The following ABCA13 variants were observed in gnomAD, a reference collection of about 807,000 sequenced individuals.
ABCA13 encodes the protein ATP-binding cassette sub-family A member 13.
In ABCA13, 476 loss-of-function variants were observed where a neutral mutation model predicts 478.7. The ratio of observed to expected loss-of-function variants is 0.99; its 90% CI spans 0.92 to 1.07. ABCA13 has a LOEUF of 1.07. Ranked by LOEUF, ABCA13 falls within the 50% of genes least tolerant of loss-of-function variation. ABCA13 has a pLI of 0.00. For synonymous variants in ABCA13, 2,252 were observed against 2,158.9 expected (o/e 1.04, Z -1.20); for missense variants, 6,060 against 5,910.6 (o/e 1.03, Z -0.83).
At chr7:48,544,255 A>G (rs979671834) in intron 55 of ABCA13, among the ~76,000 whole-genome samples, 2 of 151,756 alleles carry the variant, frequency 1.3e-5, no homozygotes, top group Admixed American at 6.6e-5. Flanking sequence ...TGTGCAATAT[A>G]TATTTTTGTC....
chr7:48,505,985 A>G (rs1831171638), intron 48 of ABCA13, among the ~76,000 whole-genome samples: 1 of 152,308 alleles, frequency 6.6e-6, no homozygotes, highest in East Asian at 1.9e-4. Flanking sequence ...TCTTCTTTGC[A>G]TATTGTTACT....
rs772959271 is a variant in ABCA13 at position 48,587,147 on chromosome 7, C to T, written c.14506-7C>T. ...CTGGTGTGCACATGGACATGCCTCT[C>T]TTCCAGGTTGCTGGAGACCTCATCA... On this transcript the variant is annotated splice_region_variant and splice_polypyrimidine_tract_variant and intron_variant, in intron 56 of 61. Coordinates refer to ENST00000435803, the MANE Select transcript of ABCA13 (RefSeq NM_152701.5). 3 of 1,613,116 alleles carry T rather than the reference C, an allele frequency of 1.9e-6. No individual in the cohort carries two copies. In the South Asian group the frequency reaches 3.3e-5, roughly 18 times the overall value.
chr7:48,254,702 G>A (rs1457200372), intron 15 of ABCA13, among the ~76,000 whole-genome samples: 1 of 152,028 alleles, frequency 6.6e-6, no homozygotes, highest in Non-Finnish European at 1.5e-5. Flanking sequence ...AACTATTTTT[G>A]AGCATGCTAT....
At chr7:48,418,360 G>A (rs1033109463) in intron 41 of ABCA13, among the ~76,000 whole-genome samples, 3 of 152,206 alleles carry the variant, frequency 2.0e-5, no homozygotes, top group African/African-American at 7.2e-5. Context: ...TGCTGTTAGA[G>A]CTCTGGATTT....
At chr7:48,180,957 A>C (rs1214398733) in intron 1 of ABCA13, among the ~76,000 whole-genome samples, 1 of 152,176 alleles carries the variant, frequency 6.6e-6, no homozygotes, top group East Asian at 1.9e-4. Context: ...AAACCTACCA[A>C]CAACAAAACA....
intron 45 of ABCA13, among the ~76,000 whole-genome samples, chr7:48,476,382 A>G (rs1396906400): frequency 6.6e-6 from 1 of 152,176 alleles, no homozygotes; most frequent in Admixed American, 6.5e-5. Context: ...AATAATAACG[A>G]GCTGATTAAA....
At chr7:48,237,533 C>T (rs901132342) in intron 8 of ABCA13, among the ~76,000 whole-genome samples, 75 of 152,314 alleles carry the variant, frequency 4.9e-4, no homozygotes, top group African/African-American at 1.7e-3. Flanking sequence ...GTCAGCCATG[C>T]TAGACTTCTC....
Position 48,410,979 on chromosome 7 carries a change from CTTT to C in ABCA13, c.12228+303_12228+305del, listed in dbSNP as rs1329284818. Among the ~76,000 whole-genome samples the C allele has an allele frequency of 1.2e-4, 4 of 34,414 alleles. No homozygotes were observed. The East Asian group carries it at 2.9e-3, about 25-fold the overall frequency. 22.6% of individuals were successfully genotyped at this position (34,414 alleles called of 152,430 possible). On this transcript the variant is annotated intron_variant, in intron 40 of 61. Coordinates refer to ENST00000435803, the MANE Select transcript of ABCA13 (RefSeq NM_152701.5). The stretch of plus-strand genomic sequence containing the variant: ...CTATGTATTCTAGAAATTCTTTTCT[CTTT>C]CTTTCTTTCTTTCTTTCTTTCTTTC...
At chr7:48,530,135 T>C (rs1833125957) in intron 55 of ABCA13, among the ~76,000 whole-genome samples, 1 of 152,126 alleles carries the variant, frequency 6.6e-6, no homozygotes, top group South Asian at 2.1e-4. Flanking sequence ...ATCATTCTTA[T>C]GCCTTTGTGT....
At chr7:48,312,935 G>T in intron 24 of ABCA13, 132 bp from the exon 25 acceptor site, 1 of 939,626 alleles carries the variant, frequency 1.1e-6, no homozygotes, top group Non-Finnish European at 1.5e-6. Context: ...ATATAGTACC[G>T]CAAAGGCGTC....
chr7:48,178,747 C>T (rs1361790887), intron 1 of ABCA13, among the ~76,000 whole-genome samples: 13 of 151,020 alleles, frequency 8.6e-5, no homozygotes, highest in Non-Finnish European at 1.8e-4. Context: ...ATTATCCAGT[C>T]TTCTAAAGGT....
At chr7:48,507,747 A>G (rs950369723) in intron 49 of ABCA13, 125 bp from the exon 50 acceptor site, 52 of 1,144,670 alleles carry the variant, frequency 4.5e-5, no homozygotes, top group Non-Finnish European at 5.8e-5. Context: ...CTTAGCCAAC[A>G]TGCCTGGCTG....
At chr7:48,378,935 G>A (rs1325030886) in intron 35 of ABCA13, among the ~76,000 whole-genome samples, 6 of 152,162 alleles carry the variant, frequency 3.9e-5, no homozygotes, top group Non-Finnish European at 8.8e-5. Context: ...ACCTTTGAAT[G>A]GCAGACACTC....
At position 48,274,125 on chromosome 7, in the gene ABCA13, G is replaced by C. The variant is rs1795980859; in HGVS notation, c.4459G>C (p.Glu1487Gln). 1 of 1,606,888 alleles carries C rather than the reference G, an allele frequency of 6.2e-7. No homozygotes were observed. Among genetic ancestry groups the C allele is most frequent in the Admixed American group, 1.7e-5 (1 of 58,990 alleles). Residue 1487 changes from glutamate to glutamine, a missense_variant, in exon 17 of 62, where the codon GAG (glutamate) becomes CAG (glutamine). Glu to Gln is a conservative substitution (Grantham distance 29). Coordinates refer to ENST00000435803, the MANE Select transcript of ABCA13 (RefSeq NM_152701.5). ...VFEKEKKPKF[E>Q]ILLALLNDST... ...TGAAAAAGAGAAGAAACCTAAATTT[G>C]AGATTTTATTAGCTCTTTTAAATGA...
At position 48,171,584 on chromosome 7, in the gene ABCA13, C is replaced by T. The variant is rs1454437861; in HGVS notation, c.69+32C>T. On this transcript the variant is annotated intron_variant, in intron 1 of 61. Coordinates refer to ENST00000435803, the MANE Select transcript of ABCA13 (RefSeq NM_152701.5). ...GCTTGCCTTGGTTTTCCATAGGGTT[C>T]CAGTGAGGTCTGGAGCAAGATCAGG... 3.9e-6 allele frequency: 6 copies of T among 1,534,908 alleles called. No homozygotes were observed. The East Asian group carries it at 1.5e-4, about 38-fold the overall frequency.
intron 29 of ABCA13, among the ~76,000 whole-genome samples, chr7:48,348,163 C>T (rs1295140407): frequency 6.6e-6 from 1 of 152,180 alleles, no homozygotes; most frequent in East Asian, 1.9e-4. Flanking sequence ...AGACTGCTAG[C>T]CACCCTCTAA....
intron 38 of ABCA13, among the ~76,000 whole-genome samples, chr7:48,395,217 T>G (rs1404934846): frequency 6.6e-6 from 1 of 152,120 alleles, no homozygotes; most frequent in Non-Finnish European, 1.5e-5. Context: ...CTAATGATGG[T>G]TCACACACTC....
chr7:48,527,774 C>T (rs1167503644), intron 54 of ABCA13, among the ~76,000 whole-genome samples: 1 of 152,048 alleles, frequency 6.6e-6, no homozygotes, highest in Non-Finnish European at 1.5e-5. Context: ...ACTACACACA[C>T]ACATACACAT....
chr7:48,384,184 T>G (rs1814815818), intron 35 of ABCA13, among the ~76,000 whole-genome samples: 1 of 152,260 alleles, frequency 6.6e-6, no homozygotes, highest in Non-Finnish European at 1.5e-5. Context: ...CTGAGAGGCC[T>G]CTGAGCCGAA....
Sources: allele counts gnomAD v4.1 joint callset (sites outside exome capture counted in the v4.1 genomes callset), GRCh38; gene constraint gnomAD v4.1.1; transcripts MANE v1.5; gene names NCBI Gene and HGNC (gene_info 2026-07-23, HGNC 2026-07-21).